The following ANAPC4 variants were observed in gnomAD, a reference collection of about 807,000 sequenced individuals.
ANAPC4 encodes anaphase promoting complex subunit 4.
A neutral mutation model predicts 119.8 loss-of-function variants in ANAPC4; 63 were observed. The ratio of observed to expected loss-of-function variants is 0.53; its 90% CI spans 0.43 to 0.65. The LOEUF is 0.65. ANAPC4 is among the 30% of genes least tolerant of loss of function. ANAPC4 has a pLI of 0.00. For synonymous variants in ANAPC4, 283 were observed against 318.6 expected (o/e 0.89, Z 1.19); for missense variants, 716 against 945.1 (o/e 0.76, Z 3.18).
intron 22 of ANAPC4, 43 bp from the exon 23 acceptor site, chr4:25,414,281 A>G: frequency 1.5e-6 from 2 of 1,326,122 alleles, no homozygotes; most frequent in Non-Finnish European, 2.1e-6. Context: ...ATCTGTGTGC[A>G]TATTAACGCT....
At chr4:25,417,837 G>T in intron 28 of ANAPC4, 98 bp downstream of exon 28, 3 of 1,457,474 alleles carry the variant, frequency 2.1e-6, no homozygotes, top group Non-Finnish European at 2.8e-6. Context: ...AGGTCCTTTT[G>T]TGCAAATATT....
At position 25,377,322 on chromosome 4, in the gene ANAPC4, T is replaced by A. The variant is rs1428847643; in HGVS notation, c.-33T>A. On this transcript the variant is annotated 5_prime_UTR_variant, in exon 1 of 29. Transcript: ENST00000315368. ...GGAGAGGCCACTGGGGCCGTGTTAG[T>A]CTGCCGGTGGGGACTCTTGCAGGTA... 2 of 1,476,394 alleles carry A rather than the reference T, an allele frequency of 1.4e-6. No individual in the cohort carries two copies. Among genetic ancestry groups the A allele is most frequent in the Middle Eastern group, 2.4e-4 (1 of 4,094 alleles). The allele number at this position is 1,476,394 out of a possible 1,614,324, so 91.5% of individuals were successfully genotyped here.
At chr4:25,402,226 T>C (rs1269656786) in intron 16 of ANAPC4, among the ~76,000 whole-genome samples, 1 of 152,240 alleles carries the variant, frequency 6.6e-6, no homozygotes, top group Non-Finnish European at 1.5e-5. Flanking sequence ...GATACTGACC[T>C]ACCTCTTCAT....
chr4:25,404,864 A>C (rs1053724260), intron 17 of ANAPC4, among the ~76,000 whole-genome samples: 1 of 152,078 alleles, frequency 6.6e-6, no homozygotes, highest in Non-Finnish European at 1.5e-5. Flanking sequence ...GATGGATAAG[A>C]ATGAGTGGAA....
intron 20 of ANAPC4, 58 bp from the exon 21 acceptor site, chr4:25,409,640 T>G: frequency 7.5e-7 from 1 of 1,329,490 alleles, no homozygotes; most frequent in Non-Finnish European, 1.1e-6. Flanking sequence ...CTTTTTTTCT[T>G]TTTCCATTTT....
At chr4:25,394,947 A>G in intron 14 of ANAPC4, 42 bp downstream of exon 14, 5 of 1,479,910 alleles carry the variant, frequency 3.4e-6, no homozygotes, top group Non-Finnish European at 4.6e-6. Flanking sequence ...GTATCCACAC[A>G]TACCTGGCGT....
chr4:25,392,787 C>T (rs1385647027), intron 10 of ANAPC4, among the ~76,000 whole-genome samples: 1 of 152,172 alleles, frequency 6.6e-6, no homozygotes, highest in Non-Finnish European at 1.5e-5. Flanking sequence ...CTCAGCTTAG[C>T]CAAGATGTTT....
rs1722175282 is a variant in ANAPC4 at position 25,388,705 on chromosome 4, G to C, written c.444-12G>C. 2 of 1,601,828 alleles carry C rather than the reference G, an allele frequency of 1.2e-6. No individual in the cohort carries two copies. Among genetic ancestry groups the C allele is most frequent in the East Asian group, 4.5e-5 (2 of 44,668 alleles). On this transcript the variant is annotated splice_polypyrimidine_tract_variant and intron_variant, in intron 5 of 28. Transcript: ENST00000315368. Reference sequence around the variant, plus strand: ...AAGAGTATTTTTTACCTTAATCTCTGTTTCCTTCTAGCTATAGCAACACCT... The same window carrying C: ...AAGAGTATTTTTTACCTTAATCTCTCTTTCCTTCTAGCTATAGCAACACCT...
At chr4:25,406,983 G>C in intron 19 of ANAPC4, 98 bp downstream of exon 19, 1 of 1,031,332 alleles carries the variant, frequency 9.7e-7, no homozygotes, top group Non-Finnish European at 1.4e-6. Context: ...TTTAATTGAA[G>C]TCTATAGCAA....
Position 25,383,360 on chromosome 4 carries a change from G to C in ANAPC4, c.335G>C (p.Cys112Ser). 6.2e-7 allele frequency: 1 copy of C among 1,613,030 alleles called. No homozygotes were observed. Among genetic ancestry groups the C allele is most frequent in the Non-Finnish European group, 8.5e-7 (1 of 1,179,578 alleles). Residue 112 changes from cysteine (C) to serine (S), a missense_variant, in exon 4 of 29, where the codon TGT (cysteine) becomes TCT (serine). Cys to Ser is a moderately radical substitution (Grantham distance 112). Transcript: ENST00000315368. ...HSFSVEAPVSCMHWMEVTVES... is the reference protein window; with the variant it reads ...HSFSVEAPVSSMHWMEVTVES... ...TTTTCTGTGGAGGCTCCAGTTTCCT[G>C]TATGCATTGGATGGAAGTGACAGTA... is the stretch of plus-strand genomic sequence containing the variant.
intron 4 of ANAPC4, among the ~76,000 whole-genome samples, chr4:25,387,341 A>G (rs180859097): frequency 6.6e-6 from 1 of 152,350 alleles, no homozygotes; most frequent in Admixed American, 6.5e-5. Context: ...GGTAATATCA[A>G]ATGAATTTGT....
At position 25,418,370 on chromosome 4, in the gene ANAPC4, G is replaced by C. The variant is rs1723998841; in HGVS notation, c.2415G>C (p.Glu805Asp). 1 of 1,613,826 alleles carries C rather than the reference G, an allele frequency of 6.2e-7. No individual in the cohort carries two copies. The highest frequency in any genetic ancestry group is 1.3e-5 in the African/African-American group (1 of 74,886). Residue 805 changes from glutamate to aspartate, a missense_variant, in exon 29 of 29, where the codon GAG becomes GAC. By Grantham distance (45) the Glu-to-Asp change is conservative (BLOSUM62 2). Transcript: ENST00000315368. The part of the protein sequence containing the change: ...IVIKVEKLDP[E>D]LDS ...TTAAAGTGGAAAAACTTGACCCTGAGCTAGACTCCTAATCTAGCTTGCCAT... is the reference window on the plus strand; with the variant it reads ...TTAAAGTGGAAAAACTTGACCCTGACCTAGACTCCTAATCTAGCTTGCCAT...
chr4:25,417,628 G>A lies in ANAPC4; in HGVS notation c.2088G>A (p.Gln696=). Residue 696 remains glutamine (Q), a synonymous_variant, in exon 28 of 29, where the codon CAG becomes CAA. Coordinates refer to ENST00000315368, the MANE Select transcript of ANAPC4 (RefSeq NM_013367.3). ...TTTCCCTCTTTAGGCTAGATGAACA[G>A]TGTAGTGCTATTCCCACCCGTACCA... ...TGTYSTRLDE[Q]CSAIPTRTMH... is the part of the protein sequence containing the mutation. The A allele has an allele frequency of 6.2e-7, 1 of 1,610,616 alleles. No individual in the cohort carries two copies. Among genetic ancestry groups the A allele is most frequent in the Non-Finnish European group, 8.5e-7 (1 of 1,178,930 alleles).
chr4:25,383,536 T>A (rs944264910), intron 4 of ANAPC4, 143 bp downstream of exon 4: 2 of 706,376 alleles, frequency 2.8e-6, no homozygotes, highest in Non-Finnish European at 4.0e-6. Flanking sequence ...AATTTTTTAA[T>A]GCTTTCTTAG....
chr4:25,407,297 T>G, intron 20 of ANAPC4, 44 bp downstream of exon 20: 1 of 1,461,964 alleles, frequency 6.8e-7, no homozygotes, highest in Non-Finnish European at 9.3e-7. Context: ...AGTGTTCATC[T>G]TTGTTATCCA....
At chr4:25,400,414 G>A (rs986567392) in intron 16 of ANAPC4, among the ~76,000 whole-genome samples, 4 of 152,114 alleles carry the variant, frequency 2.6e-5, no homozygotes, top group African/African-American at 4.8e-5. Context: ...GGGAGATAGG[G>A]GACGTTCCCT....
At chr4:25,383,619 G>C (rs1270551421) in intron 4 of ANAPC4, among the ~76,000 whole-genome samples, 1 of 151,686 alleles carries the variant, frequency 6.6e-6, no homozygotes, top group Non-Finnish European at 1.5e-5. Flanking sequence ...CCAGACCACT[G>C]CAATAAAGTG....
At chr4:25,417,584 T>C in intron 27 of ANAPC4, 32 bp from the exon 28 acceptor site, 1 of 1,547,446 alleles carries the variant, frequency 6.5e-7, no homozygotes, top group Non-Finnish European at 8.7e-7. Context: ...GATCCCCTTT[T>C]CATTCCTGAG....
chr4:25,388,768 C>T (rs1241337672), intron 6 of ANAPC4, 25 bp downstream of exon 6: 1 of 1,606,900 alleles, frequency 6.2e-7, no homozygotes, highest in African/African-American at 1.3e-5. Flanking sequence ...TTCTTGTTTT[C>T]AAGTAAGATA....
Sources: gnomAD v4.1 joint callset for allele counts (sites outside exome capture counted in the v4.1 genomes callset) on GRCh38, gnomAD v4.1.1 for gene constraint, MANE v1.5 for transcripts, NCBI Gene and HGNC (gene_info 2026-07-23, HGNC 2026-07-21) for gene names.